The following NAV2 variants were observed in gnomAD, a reference collection of about 807,000 sequenced individuals.
NAV2 encodes the protein helicase, APC down-regulated 1.
Under a neutral mutation model 223.2 loss-of-function variants are expected in NAV2, and 54 were observed. That is an observed-to-expected ratio of 0.24 (90% CI 0.19 to 0.30). NAV2 has a LOEUF of 0.30. Ranked by LOEUF, NAV2 falls within the 10% of genes least tolerant of loss-of-function variation. NAV2 has a pLI of 1.00. For missense variants in NAV2, 2,806 were observed against 3,147.5 expected (o/e 0.89, Z 2.60); for synonymous variants, 1,279 against 1,239.3 (o/e 1.03, Z -0.67).
At chr11:19,478,321 G>C (rs80190194) in intron 1 of NAV2, among the ~76,000 whole-genome samples, 1 of 152,090 alleles carries the variant, frequency 6.6e-6, no homozygotes, top group Non-Finnish European at 1.5e-5. Flanking sequence ...GAGGGTGACT[G>C]GACAGGGAGA....
intron 1 of NAV2, among the ~76,000 whole-genome samples, chr11:19,652,383 T>C (rs1384968191): frequency 6.6e-6 from 1 of 152,138 alleles, no homozygotes; most frequent in Non-Finnish European, 1.5e-5. Flanking sequence ...GTGCTGAGGA[T>C]GTGGGCCAAG....
chr11:20,040,552 GC>G (rs1279516946), intron 12 of NAV2, among the ~76,000 whole-genome samples: 1 of 152,068 alleles, frequency 6.6e-6, no homozygotes, highest in Non-Finnish European at 1.5e-5. Context: ...CAGACCCAAA[GC>G]CCACACTCTT....
At chr11:19,589,164 C>A (rs536229262) in intron 1 of NAV2, among the ~76,000 whole-genome samples, 85 of 152,264 alleles carry the variant, frequency 5.6e-4, no homozygotes, top group African/African-American at 2.0e-3. Flanking sequence ...TTTCTTGGAT[C>A]CTAAGATGAT....
chr11:19,406,154 C>A (rs1465537338), intron 1 of NAV2, among the ~76,000 whole-genome samples: 1 of 152,162 alleles, frequency 6.6e-6, no homozygotes, highest in African/African-American at 2.4e-5. Flanking sequence ...TATTCTCCCC[C>A]CAGGTTACAG....
chr11:19,667,282 ACT>A (rs759671435), intron 1 of NAV2, among the ~76,000 whole-genome samples: 1 of 152,144 alleles, frequency 6.6e-6, no homozygotes, highest in African/African-American at 2.4e-5. Flanking sequence ...CCCGTTGTAG[ACT>A]CTGGGGATTG....
At position 19,516,717 on chromosome 11, in the gene NAV2, G is replaced by A. The variant is rs75710976; in HGVS notation, c.75+165690G>A. On this transcript the variant is annotated intron_variant, in intron 1 of 37. Transcript: ENST00000360655. ...GACAGAGAGTAGGAGAAATGAGGAC[G>A]GCAATAAAGCCAAGGGACTTCCTGC... Among the ~76,000 whole-genome samples, 635 of 152,290 alleles carry A rather than the reference G, an allele frequency of 4.2e-3. 6 individuals carry two copies. The highest frequency in any genetic ancestry group is 0.034 in the Middle Eastern group (10 of 294).
intron 1 of NAV2, among the ~76,000 whole-genome samples, chr11:19,528,016 G>A (rs1264446396): frequency 6.6e-6 from 1 of 151,584 alleles, no homozygotes; most frequent in African/African-American, 2.4e-5. Flanking sequence ...ACAAATGGTA[G>A]GGACATGGCA....
intron 1 of NAV2, among the ~76,000 whole-genome samples, chr11:19,672,506 G>T (rs2048599801): frequency 6.6e-6 from 1 of 152,096 alleles, no homozygotes; most frequent in African/African-American, 2.4e-5. Flanking sequence ...ACCCATAAAG[G>T]GGGTATCATG....
intron 1 of NAV2, among the ~76,000 whole-genome samples, chr11:19,493,205 C>T (rs1422431253): frequency 6.6e-6 from 1 of 151,886 alleles, no homozygotes; most frequent in Admixed American, 6.6e-5. Flanking sequence ...TTCTTCCCTC[C>T]CCCCATTATC....
At chr11:19,895,376 C>T (rs558192560) in intron 6 of NAV2, among the ~76,000 whole-genome samples, 1 of 152,220 alleles carries the variant, frequency 6.6e-6, no homozygotes. Flanking sequence ...TGCGCCTGGC[C>T]TGATTTTCAG....
chr11:19,923,967 A>G (rs1283076056), intron 6 of NAV2, among the ~76,000 whole-genome samples: 3 of 152,206 alleles, frequency 2.0e-5, no homozygotes, highest in African/African-American at 7.2e-5. Flanking sequence ...CATGTCTTAT[A>G]TTTTTAAAGG....
At chr11:19,502,008 A>G (rs1454464536) in intron 1 of NAV2, among the ~76,000 whole-genome samples, 2 of 152,186 alleles carry the variant, frequency 1.3e-5, no homozygotes, top group Non-Finnish European at 2.9e-5. Flanking sequence ...GTCTCCTAAA[A>G]GCGTCTTGAG....
At position 19,998,651 on chromosome 11, in the gene NAV2, TTC is replaced by T. The variant is rs1476265855; in HGVS notation, c.2768+14408_2768+14409del. ...TCCATTCCCCTGGACGTGCCGGATCTTCTCTTTCGTCAGAAGCTTTGCACATA... is the reference window on the plus strand; with the variant it reads ...TCCATTCCCCTGGACGTGCCGGATCTTCTTTCGTCAGAAGCTTTGCACATA... On this transcript the variant is annotated intron_variant, in intron 11 of 37. Transcript: ENST00000349880. This position sits in a 1 kb window ranked among gnomAD's most constrained non-coding sequence, Gnocchi z 5.0. 6.6e-6 allele frequency among the ~76,000 whole-genome samples: 1 copy of T among 152,090 alleles called. No individual in the cohort carries two copies. Among genetic ancestry groups the T allele is most frequent in the African/African-American group, 2.4e-5 (1 of 41,404 alleles).
chr11:19,920,753 C>T (rs993498448), intron 6 of NAV2, among the ~76,000 whole-genome samples: 2 of 152,076 alleles, frequency 1.3e-5, no homozygotes, highest in African/African-American at 4.8e-5. Flanking sequence ...TCACAAAGTT[C>T]GATGATTGCA....
At chr11:19,794,518 T>A (rs1315147989) in intron 1 of NAV2, among the ~76,000 whole-genome samples, 1 of 152,210 alleles carries the variant, frequency 6.6e-6, no homozygotes, top group African/African-American at 2.4e-5. Context: ...TAACAACTAT[T>A]TTCCCCAGAA....
intron 1 of NAV2, among the ~76,000 whole-genome samples, chr11:19,633,592 G>A (rs1046775859): frequency 2.0e-5 from 3 of 152,392 alleles, no homozygotes; most frequent in Middle Eastern, 6.8e-3. Context: ...AATCAGGCCT[G>A]CCTGACGGAG....
rs902394534 is a variant in NAV2 at position 20,087,218 on chromosome 11, C to T, written c.5499-3647C>T. Among the ~76,000 whole-genome samples, 5 of 152,086 alleles carry T rather than the reference C, an allele frequency of 3.3e-5. No homozygotes were observed. In the East Asian group the frequency reaches 9.7e-4, roughly 29 times the overall value. The stretch of plus-strand genomic sequence containing the variant: ...GCCAAGTAAGATGAGCAGAGAGAGG[C>T]GGTGATGCACTCAGCTGTGCAGGAC... On this transcript the variant is annotated intron_variant, in intron 26 of 37. Transcript: ENST00000349880.
At chr11:19,680,519 C>T (rs1378862295) in intron 1 of NAV2, among the ~76,000 whole-genome samples, 5 of 152,156 alleles carry the variant, frequency 3.3e-5, no homozygotes, top group African/African-American at 1.2e-4. Context: ...CCCTCACCCG[C>T]ACACACAGGA....
intron 11 of NAV2, among the ~76,000 whole-genome samples, chr11:20,023,733 TG>T: frequency 6.6e-6 from 1 of 151,426 alleles, no homozygotes; most frequent in Non-Finnish European, 1.5e-5. Flanking sequence ...TGTGTGTGTG[TG>T]TAAACTAGGC....
Sources: allele counts gnomAD v4.1 joint callset (sites outside exome capture counted in the v4.1 genomes callset), GRCh38; gene constraint gnomAD v4.1.1; non-coding constraint Gnocchi (gnomAD v3.1); transcripts MANE v1.5; gene names NCBI Gene and HGNC (gene_info 2026-07-23, HGNC 2026-07-21).